Variants in COX18 observed in about 807,000 individuals in gnomAD.
COX18 encodes cytochrome c oxidase assembly factor COX18.
In COX18, 45 loss-of-function variants were observed where a neutral mutation model predicts 38.0. The ratio of observed to expected loss-of-function variants is 1.18; its 90% CI spans 0.93 to 1.52. The LOEUF (loss-of-function observed/expected upper bound fraction) is 1.52. Among genes scored for constraint, COX18 ranks in the 40% most tolerant of loss-of-function variants. COX18 has a pLI of 0.00. For synonymous variants in COX18, 177 were observed against 169.8 expected (o/e 1.04, Z -0.33); for missense variants, 462 against 423.8 (o/e 1.09, Z -0.79).
At chr4:73,067,864 A>AAAAAAAATACATATATATATAT in intron 2 of COX18, among the ~76,000 whole-genome samples, 165 bp downstream of exon 2, 1 of 20,010 alleles carries the variant, frequency 5.0e-5, no homozygotes, top group Admixed American at 1.2e-3. Flanking sequence ...AAAAAAAAAA[A>AAAAAAAATACATATATATATAT]ATATATATAT....
chr4:73,061,880 G>C lies in COX18; in HGVS notation c.764C>G (p.Thr255Arg). Reference sequence around the variant, plus strand: ...TGCACGGACAAAGTACGTAATATACGTCTGAAAACGAGACATTCCAATTTT... The same window carrying C: ...TGCACGGACAAAGTACGTAATATACCTCTGAAAACGAGACATTCCAATTTT... The part of the protein sequence containing the change: ...LQKIGMSRFQ[T>R]YITYFVRAMS... Residue 255 changes from threonine to arginine, a missense_variant, in exon 5 of 6, where the codon ACG becomes AGG. By Grantham distance (71) the Thr-to-Arg change is moderately conservative. Coordinates refer to ENST00000507544, the MANE Select transcript of COX18 (RefSeq NM_001297732.2). 3 of 1,613,262 alleles carry C rather than the reference G, an allele frequency of 1.9e-6. No homozygotes were observed. Among genetic ancestry groups the C allele is most frequent in the Middle Eastern group, 1.7e-4 (1 of 6,056 alleles).
intron 3 of COX18, 47 bp from the exon 4 acceptor site, chr4:73,064,949 G>C (rs750601226): frequency 7.0e-6 from 11 of 1,573,406 alleles, no homozygotes; most frequent in East Asian, 2.3e-5. Flanking sequence ...AAAAATAGCA[G>C]AGAAAAATAT....
At chr4:73,064,735 A>G in intron 4 of COX18, 43 bp downstream of exon 4, 1 of 1,599,996 alleles carries the variant, frequency 6.3e-7, no homozygotes, top group Non-Finnish European at 8.5e-7. Context: ...CAGCAACAAA[A>G]ATCCCCATAA....
Position 73,069,715 on chromosome 4 carries a change from A to T in COX18, c.-66T>A. The T allele has an allele frequency of 6.9e-7, 1 of 1,454,416 alleles. No homozygotes were observed. Among genetic ancestry groups the T allele is most frequent in the Non-Finnish European group, 9.3e-7 (1 of 1,075,798 alleles). 90.1% of individuals were successfully genotyped at this position (1,454,416 alleles called of 1,614,324 possible). On this transcript the variant is annotated 5_prime_UTR_variant, in exon 1 of 6. It adds an upstream start codon to the 5' untranslated region. Transcript: ENST00000507544. The stretch of plus-strand genomic sequence containing the variant: ...CCAGCGGACATACACCGGCCAGCCA[A>T]GGCTGATACGCGCACGCGCCAGCAA...
Position 73,056,132 on chromosome 4 carries a change from G to T in COX18, c.*1982C>A, listed in dbSNP as rs1312756984. 1.3e-5 allele frequency: 2 copies of T among 152,060 alleles called. No individual in the cohort carries two copies. Among genetic ancestry groups the T allele is most frequent in the Non-Finnish European group, 2.9e-5 (2 of 68,018 alleles). 9.4% of individuals were successfully genotyped at this position (152,060 alleles called of 1,614,324 possible). A position where few individuals can be genotyped will look rare whatever the true frequency, so the allele number is the denominator to read the frequency against. On this transcript the variant is annotated 3_prime_UTR_variant, in exon 6 of 6. Transcript: ENST00000507544. ...TGTAAAACATTGAGATGGAATGATA[G>T]GGTTTCCCAGAATCAGGTCCATATT...
Position 73,053,504 on chromosome 4 carries a change from C to T in COX18, c.*4610G>A, listed in dbSNP as rs1246006318. 1.3e-5 allele frequency: 2 copies of T among 152,192 alleles called. No individual in the cohort carries two copies. The highest frequency in any genetic ancestry group is 2.4e-5 in the African/African-American group (1 of 41,432). The allele number at this position is 152,192 out of a possible 1,614,324, so 9.4% of individuals were successfully genotyped here. On this transcript the variant is annotated 3_prime_UTR_variant, in exon 6 of 6. Coordinates refer to ENST00000507544, the MANE Select transcript of COX18 (RefSeq NM_001297732.2). ...GGAGATAAATTACCTGCTGTAACTG[C>T]CCCAGGTGTGCCTGCCCACCAGACA...
In COX18 at chr4:73,064,813, T is replaced by C. The variant is rs778807259; in HGVS notation, c.688A>G (p.Ile230Val). ...TAPDSTWILP[I>V]SVGVINLLIV... The stretch of plus-strand genomic sequence containing the variant: ...AACAAATTGATGACGCCAACAGAGA[T>C]AGGCAGAATCCAAGTGGAGTCGGGT... The change falls in exon 4 of 6, where the codon ATC (isoleucine) becomes GTC (valine). Residue 230 changes from isoleucine to valine, a missense_variant. By Grantham distance (29) the Ile-to-Val change is conservative. Coordinates refer to ENST00000507544, the MANE Select transcript of COX18 (RefSeq NM_001297732.2). 10 of 1,613,806 alleles carry C rather than the reference T, an allele frequency of 6.2e-6. No individual in the cohort carries two copies. The highest frequency in any genetic ancestry group is 1.3e-5 in the African/African-American group (1 of 74,904).
At chr4:73,066,851 T>C (rs910138716) in intron 2 of COX18, among the ~76,000 whole-genome samples, 1 of 152,212 alleles carries the variant, frequency 6.6e-6, no homozygotes, top group Non-Finnish European at 1.5e-5. Context: ...ACACTAAATA[T>C]AGGACACAAT....
At chr4:73,062,168 C>T (rs968500984) in intron 4 of COX18, among the ~76,000 whole-genome samples, 15 of 151,948 alleles carry the variant, frequency 9.9e-5, no homozygotes, top group Non-Finnish European at 1.8e-4. Context: ...GTGATCCTCC[C>T]GCCTCCTCCT....
chr4:73,069,659 A>T lies in COX18; in HGVS notation c.-10T>A. ...CGAGCCGGCACAGCATTTCTGCACC[A>T]CGGCGGAGCCCAGATCCCGGGCCTC... On this transcript the variant is annotated 5_prime_UTR_variant, in exon 1 of 6. Coordinates refer to ENST00000507544, the MANE Select transcript of COX18 (RefSeq NM_001297732.2). 2.6e-6 allele frequency: 4 copies of T among 1,543,914 alleles called. No individual in the cohort carries two copies. The highest frequency in any genetic ancestry group is 3.5e-6 in the Non-Finnish European group (4 of 1,150,172).
intron 5 of COX18, 82 bp downstream of exon 5, chr4:73,061,728 AAAG>A: frequency 6.9e-6 from 5 of 725,052 alleles, no homozygotes; most frequent in East Asian, 2.9e-5. Flanking sequence ...AAAAAAAAAA[AAAG>A]AAGAGGCAGG....
intron 2 of COX18, among the ~76,000 whole-genome samples, 165 bp downstream of exon 2, chr4:73,067,864 A>AATATATATATATATATATAT (rs1377330345): frequency 1.0e-4 from 2 of 20,006 alleles, no homozygotes; most frequent in Non-Finnish European, 3.1e-4. Context: ...AAAAAAAAAA[A>AATATATATATATATATATAT]ATATATATAT....
Position 73,058,077 on chromosome 4 carries a change from G to A in COX18, c.*37C>T. ...AGTCTAAATACATTTAGATGATAGT[G>A]ACTCCTGCAACTGTTTCAAAATTAT... On this transcript the variant is annotated 3_prime_UTR_variant, in exon 6 of 6. Coordinates refer to ENST00000507544, the MANE Select transcript of COX18 (RefSeq NM_001297732.2). 1 of 1,347,304 alleles carries A rather than the reference G, an allele frequency of 7.4e-7. No homozygotes were observed. Among genetic ancestry groups the A allele is most frequent in the Non-Finnish European group, 1.0e-6 (1 of 963,790 alleles). 83.5% of individuals were successfully genotyped at this position (1,347,304 alleles called of 1,614,324 possible). A position where few individuals can be genotyped will look rare whatever the true frequency, so the allele number is the denominator to read the frequency against.
At chr4:73,065,723 C>T (rs1720417118) in intron 2 of COX18, among the ~76,000 whole-genome samples, 1 of 152,074 alleles carries the variant, frequency 6.6e-6, no homozygotes, top group Non-Finnish European at 1.5e-5. Context: ...GGTATAACTA[C>T]AATTAATATT....
At chr4:73,062,657 CG>C (rs1691995997) in intron 4 of COX18, among the ~76,000 whole-genome samples, 1 of 152,038 alleles carries the variant, frequency 6.6e-6, no homozygotes, top group Admixed American at 6.6e-5. Context: ...GGCAACATAG[CG>C]AAACCATCTC....
rs1193611350 is a variant in COX18 at position 73,068,021 on chromosome 4, T to C, written c.434+8A>G. The stretch of plus-strand genomic sequence containing the variant: ...GCGTATGGTCTTACGTGGATATAAT[T>C]AGCTTACCTGGCATCTCTTTTGGAC... On this transcript the variant is annotated splice_region_variant and intron_variant, in intron 2 of 5. Transcript: ENST00000507544. 2 of 1,596,854 alleles carry C rather than the reference T, an allele frequency of 1.3e-6. No individual in the cohort carries two copies. The highest frequency in any genetic ancestry group is 2.2e-5 in the South Asian group (2 of 90,682).
chr4:73,053,494 G>A lies in COX18; in HGVS notation c.*4620C>T, dbSNP rs1025452883. The A allele has an allele frequency of 2.0e-5, 3 of 152,206 alleles. No homozygotes were observed. Among genetic ancestry groups the A allele is most frequent in the Non-Finnish European group, 2.9e-5 (2 of 68,058 alleles). 9.4% of individuals were successfully genotyped at this position (152,206 alleles called of 1,614,324 possible). A position where few individuals can be genotyped will look rare whatever the true frequency, so the allele number is the denominator to read the frequency against. On this transcript the variant is annotated 3_prime_UTR_variant, in exon 6 of 6. Coordinates refer to ENST00000507544, the MANE Select transcript of COX18 (RefSeq NM_001297732.2). ...TTGTGTGCTAGGAGATAAATTACCT[G>A]CTGTAACTGCCCCAGGTGTGCCTGC...
At chr4:73,066,398 C>G (rs1720447637) in intron 2 of COX18, among the ~76,000 whole-genome samples, 1 of 152,160 alleles carries the variant, frequency 6.6e-6, no homozygotes, top group Non-Finnish European at 1.5e-5. Flanking sequence ...ATTGAAAATG[C>G]AGGAAGCTGG....
chr4:73,066,619 CA>C (rs1720459112), intron 2 of COX18, among the ~76,000 whole-genome samples: 2 of 152,230 alleles, frequency 1.3e-5, no homozygotes, highest in African/African-American at 4.8e-5. Context: ...TGTATCTGCA[CA>C]ACCATCCTGC....
Sources: allele counts gnomAD v4.1 joint callset (sites outside exome capture counted in the v4.1 genomes callset), GRCh38; gene constraint gnomAD v4.1.1; transcripts MANE v1.5; gene names NCBI Gene and HGNC (gene_info 2026-07-23, HGNC 2026-07-21).